APOB: variants seen among roughly 807,000 people sequenced by gnomAD.
APOB encodes apolipoprotein B, also known as apolipoprotein B-100.
APOB carries 153 observed loss-of-function variants against 314.1 expected under a neutral mutation model. The observed-to-expected ratio is 0.49, with a 90% CI of 0.43 to 0.56. The LOEUF (loss-of-function observed/expected upper bound fraction) is 0.56, where lower values mean the gene tolerates loss of function less well. Ranked by LOEUF, APOB falls within the 20% of genes least tolerant of loss-of-function variation. APOB has a pLI of 0.00. For missense variants in APOB, 5,430 were observed against 5,350.7 expected (o/e 1.01, Z -0.46); for synonymous variants, 2,087 against 2,036.4 (o/e 1.02, Z -0.67).
rs1402488871 is a variant in APOB, at chr2:21,002,943, C to A, written c.12479G>T (p.Gly4160Val). ...CTTGAGTCCCTGGAAACTGGCTTGGCCTTCCTGAGTCAACAGTTCCTGGTA... is the reference window on the plus strand; with the variant it reads ...CTTGAGTCCCTGGAAACTGGCTTGGACTTCCTGAGTCAACAGTTCCTGGTA... The part of the protein sequence containing the change: ...NLYQELLTQE[G>V]QASFQGLKDN... Residue 4160 changes from glycine (G) to valine (V), a missense_variant, in exon 29 of 29, where the codon GGC becomes GTC. Gly to Val is a moderately radical substitution (Grantham distance 109, BLOSUM62 -3). Transcript: ENST00000233242. The A allele has an allele frequency of 1.2e-6, 2 of 1,611,524 alleles. No homozygotes were observed. Among genetic ancestry groups the A allele is most frequent in the Admixed American group, 1.7e-5 (1 of 59,846 alleles).
Position 21,004,424 on chromosome 2 carries a change from T to C in APOB, c.11932A>G (p.Ile3978Val), listed in dbSNP as rs1182113547. 5 of 1,613,914 alleles carry C rather than the reference T, an allele frequency of 3.1e-6. No homozygotes were observed. The change falls in exon 28 of 29, where the codon ATC (isoleucine) becomes GTC (valine). Residue 3978 changes from isoleucine (I) to valine (V), a missense_variant. Transcript: ENST00000233242. Reference sequence around the variant, plus strand: ...AGATCGGTGAACGCTGGGCTTTTGATATTGAGGTGCGCTTTTCCTTCCCAT... The same window carrying C: ...AGATCGGTGAACGCTGGGCTTTTGACATTGAGGTGCGCTTTTCCTTCCCAT... ...QEWEGKAHLN[I>V]KSPAFTDLHL... is the part of the protein sequence containing the mutation.
rs1572795241 is a variant in APOB, at chr2:21,026,960, C to A, written c.2072G>T (p.Gly691Val). ...TGGCTCAAAGCCTTTTCCTTCCAAG[C>A]CAATCTGAGAAAGAAAATCAGACAA... ...GFASADLIEI[G>V]LEGKGFEPTL... The change falls in exon 15 of 29, where the codon GGC (glycine) becomes GTC (valine). Residue 691 changes from glycine (G) to valine (V), a missense_variant. Around this residue, in one of 3 missense-constraint regions of APOB, gnomAD observed 2,085 missense variants for 2,079.7 expected, o/e 1.00. Transcript: ENST00000233242. 6.2e-7 allele frequency: 1 copy of A among 1,614,140 alleles called. No homozygotes were observed.
intron 18 of APOB, 84 bp downstream of exon 18, chr2:21,022,747 A>G (rs1012477644): frequency 3.1e-6 from 4 of 1,296,448 alleles, no homozygotes; most frequent in Non-Finnish European, 4.4e-6. Flanking sequence ...ATCTCAATCA[A>G]CTGTTTAGCC....
Position 21,011,701 on chromosome 2 carries a change from T to G in APOB, c.5167A>C (p.Ser1723Arg), listed in dbSNP as rs1432024242. The G allele has an allele frequency of 6.2e-7, 1 of 1,614,248 alleles. No homozygotes were observed. Among genetic ancestry groups the G allele is most frequent in the Non-Finnish European group, 8.5e-7 (1 of 1,180,046 alleles). The part of the protein sequence containing the change: ...AYQAMILGVD[S>R]KNIFNFKVSQ... ...ACCTTGAAGTTGAAAATGTTTTTGC[T>G]GTCGACACCCAGAATCATGGCCTGA... The change falls in exon 26 of 29, where the codon AGC (serine) becomes CGC (arginine). Residue 1723 changes from serine (S) to arginine (R), a missense_variant. Physicochemically the swap from Ser to Arg is moderately radical, Grantham distance 110. Around this residue, in one of 3 missense-constraint regions of APOB, gnomAD observed 2,085 missense variants for 2,079.7 expected, o/e 1.00. Coordinates refer to ENST00000233242, the MANE Select transcript of APOB (RefSeq NM_000384.3).
Position 21,037,163 on chromosome 2 carries a change from C to T in APOB, c.630G>A (p.Gly210=). 6.2e-7 allele frequency: 1 copy of T among 1,614,186 alleles called. No individual in the cohort carries two copies. Among genetic ancestry groups the T allele is most frequent in the Middle Eastern group, 1.6e-4 (1 of 6,062 alleles). ...GGATGGGCTTGAAGCGATCACACTG[C>T]CCCAGGTCTCTTTCAGTGGATATTT... ...ATEISTERDL[G]QCDRFKPIRT... is the part of the protein sequence containing the mutation. Residue 210 remains glycine, a synonymous_variant, in exon 6 of 29, where the codon GGG becomes GGA. Transcript: ENST00000233242.
In APOB at chr2:21,006,029, G is replaced by A; in HGVS notation, c.10839C>T (p.Phe3613=). ...HASQPSSFHD[F]PDLGQEVALN... ...GGGCCACTTCCTGGCCAAGGTCAGGGAAATCATGGAAGGAACTGGGCTGAC... is the reference window on the plus strand; with the variant it reads ...GGGCCACTTCCTGGCCAAGGTCAGGAAAATCATGGAAGGAACTGGGCTGAC... The change falls in exon 26 of 29, where the codon TTC becomes TTT. Residue 3613 remains phenylalanine, a synonymous_variant. Coordinates refer to ENST00000233242, the MANE Select transcript of APOB (RefSeq NM_000384.3). 2.5e-6 allele frequency: 4 copies of A among 1,614,032 alleles called. No individual in the cohort carries two copies. Among genetic ancestry groups the A allele is most frequent in the Non-Finnish European group, 2.5e-6 (3 of 1,179,956 alleles).
At position 21,015,198 on chromosome 2, in the gene APOB, A is replaced by G. The variant is rs1162914283; in HGVS notation, c.3571T>C (p.Ser1191Pro). 2 of 1,614,062 alleles carry G rather than the reference A, an allele frequency of 1.2e-6. No homozygotes were observed. Among genetic ancestry groups the G allele is most frequent in the Non-Finnish European group, 1.7e-6 (2 of 1,180,048 alleles). ...TCGGAGAGATCCACAGGGAAATTGGAAGTCATTTTTTTGGTATCTACATTG... is the reference window on the plus strand; with the variant it reads ...TCGGAGAGATCCACAGGGAAATTGGGAGTCATTTTTTTGGTATCTACATTG... ...GTNVDTKKMT[S>P]NFPVDLSDYP... Residue 1191 changes from serine to proline, a missense_variant, in exon 23 of 29, where the codon TCC becomes CCC. By Grantham distance (74) the Ser-to-Pro change is moderately conservative (BLOSUM62 -1). Transcript: ENST00000233242.
intron 20 of APOB, among the ~76,000 whole-genome samples, chr2:21,017,249 G>A (rs1663502556): frequency 6.6e-6 from 1 of 151,758 alleles, no homozygotes; most frequent in Non-Finnish European, 1.5e-5. Context: ...TGAGCCTATT[G>A]TGTGCTGGGC....
chr2:21,010,321 G>A lies in APOB; in HGVS notation c.6547C>T (p.Gln2183Ter), dbSNP rs1216595910. Residue 2183 changes from glutamine (Q) to a stop codon, truncating the protein, a stop_gained, in exon 26 of 29, where the codon CAG (glutamine) becomes TAG (stop). Coordinates refer to ENST00000233242, the MANE Select transcript of APOB (RefSeq NM_000384.3). LOFTEE classifies it high-confidence loss of function. The part of the protein sequence containing the change: ...QLQTYMIQFD[Q>*]YIKDSYDLHD... ...AAATCATAACTATCTTTAATATACT[G>A]ATCAAATTGTATCATATATGTCTGC... The A allele has an allele frequency of 6.4e-7, 1 of 1,553,892 alleles. No individual in the cohort carries two copies. Among genetic ancestry groups the A allele is most frequent in the African/African-American group, 1.4e-5 (1 of 72,876 alleles).
intron 14 of APOB, 79 bp downstream of exon 14, chr2:21,027,749 T>A: frequency 9.1e-7 from 1 of 1,100,884 alleles, no homozygotes; most frequent in Non-Finnish European, 1.4e-6. Context: ...TTCCTCTGGG[T>A]AGCTCCTGGC....
intron 18 of APOB, among the ~76,000 whole-genome samples, chr2:21,021,811 C>CT (rs1418786022): frequency 6.6e-6 from 1 of 152,178 alleles, no homozygotes; most frequent in Non-Finnish European, 1.5e-5. Flanking sequence ...TCATGGTACT[C>CT]TAATACTTTC....
In APOB at chr2:21,005,288, C is replaced by T; in HGVS notation, c.11580G>A (p.Gln3860=). The change falls in exon 26 of 29, where the codon CAG becomes CAA. Residue 3860 remains glutamine, a synonymous_variant. Coordinates refer to ENST00000233242, the MANE Select transcript of APOB (RefSeq NM_000384.3). The part of the protein sequence containing the change: ...FELPTIIVPE[Q]TIEIPSIKFS... ...ACTTAATGGAGGGAATCTCAATGGT[C>T]TGCTCAGGCACGATGATGGTGGGCA... 6.2e-7 allele frequency: 1 copy of T among 1,614,046 alleles called. No individual in the cohort carries two copies. The highest frequency in any genetic ancestry group is 8.5e-7 in the Non-Finnish European group (1 of 1,179,956).
Position 21,043,912 on chromosome 2 carries a change from GCA to G in APOB, c.32_33del (p.Leu11ProfsTer46). Reference protein sequence around the residue: MDPPRPALLALLALPALLLLL... With the variant: MDPPRPALLAXLALPALLLLL... The stretch of plus-strand genomic sequence containing the variant: ...AGCAGCAGCAGCGCAGGCAGCGCCA[GCA>G]GCGCCAGCAGCGCGGGCCTCGGCGG... On this transcript the variant is annotated frameshift_variant, in exon 1 of 29. Coordinates refer to ENST00000233242, the MANE Select transcript of APOB (RefSeq NM_000384.3). LOFTEE classifies it high-confidence loss of function. 1 of 1,338,018 alleles carries G rather than the reference GCA, an allele frequency of 7.5e-7. No homozygotes were observed. Among genetic ancestry groups the G allele is most frequent in the Non-Finnish European group, 9.5e-7 (1 of 1,047,522 alleles). 82.9% of individuals were successfully genotyped at this position (1,338,018 alleles called of 1,614,324 possible). A position where few individuals can be genotyped will look rare whatever the true frequency, so the allele number is the denominator to read the frequency against.
In APOB at chr2:21,010,144, C is replaced by A; in HGVS notation, c.6724G>T (p.Gly2242Ter). 6.2e-7 allele frequency: 1 copy of A among 1,606,106 alleles called. No individual in the cohort carries two copies. The highest frequency in any genetic ancestry group is 8.5e-7 in the Non-Finnish European group (1 of 1,174,850). ...TGAATCCAGGATGCAGTACTACTTC[C>A]ACTTTTGTTAAAATCAATATTTTCA... ...FIENIDFNKS[G>*]SSTASWIQNV... The change falls in exon 26 of 29, where the codon GGA becomes TGA. Residue 2242 changes from glycine (G) to a stop codon, truncating the protein, a stop_gained. Transcript: ENST00000233242. LOFTEE classifies it high-confidence loss of function.
chr2:21,017,014 T>C (rs13003321), intron 20 of APOB, among the ~76,000 whole-genome samples: 19,246 of 132,404 alleles, frequency 0.15, 1,487 homozygotes, highest in Non-Finnish European at 0.2. Context: ...AATAAATAAA[T>C]AAACAAACAA....
At position 21,002,400 on chromosome 2, in the gene APOB, A is replaced by T. The variant is rs144018015; in HGVS notation, c.13022T>A (p.Ile4341Asn). The T allele has an allele frequency of 5.6e-5, 90 of 1,602,590 alleles. No homozygotes were observed. Among genetic ancestry groups the T allele is most frequent in the Non-Finnish European group, 6.4e-5 (75 of 1,173,686 alleles). ...DEINTIFSDY[I>N]PYVFKLLKEN... ...TTTCAACAATTTAAAAACATATGGG[A>T]TATAATCACTGAAGATTGTGTTGAT... Residue 4341 changes from isoleucine (I) to asparagine (N), a missense_variant, in exon 29 of 29, where the codon ATC becomes AAC. Ile to Asn is a moderately radical substitution (Grantham distance 149, BLOSUM62 -3). This residue lies in a region of APOB where 3,281 missense variants were observed against 3,171.0 expected (regional missense o/e 1.03). Transcript: ENST00000233242.
In APOB at chr2:21,019,035, G is replaced by C. The variant is rs779498114; in HGVS notation, c.3078C>G (p.Asp1026Glu). 6.2e-7 allele frequency: 1 copy of C among 1,614,024 alleles called. No homozygotes were observed. Among genetic ancestry groups the C allele is most frequent in the Non-Finnish European group, 8.5e-7 (1 of 1,180,020 alleles). The change falls in exon 20 of 29, where the codon GAC becomes GAG. Residue 1026 changes from aspartate (D) to glutamate (E), a missense_variant. By Grantham distance (45) the Asp-to-Glu change is conservative. Around this residue, in one of 3 missense-constraint regions of APOB, gnomAD observed 2,085 missense variants for 2,079.7 expected, o/e 1.00. Coordinates refer to ENST00000233242, the MANE Select transcript of APOB (RefSeq NM_000384.3). ...ACTTCAGGGTATCCACCAAGGCTCT[G>C]TCCTCTCTCTGGAGCTCATAGGTTG... Reference protein sequence around the residue: ...VSATYELQREDRALVDTLKFV... With the variant: ...VSATYELQREERALVDTLKFV...
rs146888928 is a variant in APOB, at chr2:21,009,862, C to T, written c.7006G>A (p.Ala2336Thr). 1.7e-5 allele frequency: 28 copies of T among 1,613,992 alleles called. No homozygotes were observed. In the African/African-American group the frequency reaches 3.6e-4, roughly 21 times the overall value. The change falls in exon 26 of 29, where the codon GCC (alanine) becomes ACC (threonine). Residue 2336 changes from alanine to threonine, a missense_variant. Coordinates refer to ENST00000233242, the MANE Select transcript of APOB (RefSeq NM_000384.3). The part of the protein sequence containing the change: ...GDFEVAEKIN[A>T]FRAKVHELIE... ...AACTCATGGACTTTGGCTCTGAAGGCATTGATTTTCTCAGCTACTTCAAAA... is the reference window on the plus strand; with the variant it reads ...AACTCATGGACTTTGGCTCTGAAGGTATTGATTTTCTCAGCTACTTCAAAA...
intron 4 of APOB, 119 bp from the exon 5 acceptor site, chr2:21,038,230 A>G: frequency 9.2e-7 from 1 of 1,091,418 alleles, no homozygotes; most frequent in Non-Finnish European, 1.4e-6. Context: ...TTCTTCTGAC[A>G]TCATTTATTT....
Sources: gnomAD v4.1 joint callset for allele counts (sites outside exome capture counted in the v4.1 genomes callset) on GRCh38, gnomAD v4.1.1 for gene constraint, gnomAD v4.1.1 regional missense constraint, MANE v1.5 for transcripts, NCBI Gene and HGNC (gene_info 2026-07-23, HGNC 2026-07-21) for gene names.